Variants in CDH8 observed in about 807,000 individuals in gnomAD.
CDH8 encodes cadherin 8, also known as cadherin-8.
CDH8 carries 17 observed loss-of-function variants against 68.1 expected under a neutral mutation model. That is an observed-to-expected ratio of 0.25 (90% confidence interval 0.17 to 0.37). The LOEUF (loss-of-function observed/expected upper bound fraction) is 0.37. Among genes scored for constraint, CDH8 ranks in the 10% least tolerant of loss-of-function variants. The pLI is 1.00. For missense variants in CDH8, 763 were observed against 999.3 expected (o/e 0.76, Z 3.19); for synonymous variants, 372 against 365.1 (o/e 1.02, Z -0.21).
chr16:61,990,517 C>T (rs536493621), intron 2 of CDH8, among the ~76,000 whole-genome samples: 26 of 151,950 alleles, frequency 1.7e-4, no homozygotes, highest in African/African-American at 6.3e-4. Flanking sequence ...TCCTATTTTA[C>T]AGGTAAAATC....
intron 10 of CDH8, among the ~76,000 whole-genome samples, chr16:61,662,660 C>A (rs1963591592): frequency 6.6e-6 from 1 of 151,624 alleles, no homozygotes; most frequent in Non-Finnish European, 1.5e-5. Context: ...TAAAACAATG[C>A]AAATTAAAAA....
chr16:61,782,843 T>A (rs368018784), intron 8 of CDH8, among the ~76,000 whole-genome samples: 33 of 151,862 alleles, frequency 2.2e-4, no homozygotes, highest in African/African-American at 7.7e-4. Context: ...ACACCTCACA[T>A]GGCAGGGTAT....
chr16:61,937,247 A>C (rs1203393850), intron 2 of CDH8, among the ~76,000 whole-genome samples: 1 of 152,202 alleles, frequency 6.6e-6, no homozygotes, highest in Non-Finnish European at 1.5e-5. Flanking sequence ...CTAGAGCTAT[A>C]GTTCTCAAAG....
intron 3 of CDH8, 98 bp from the exon 4 acceptor site, chr16:61,857,336 G>T: frequency 9.7e-7 from 1 of 1,029,138 alleles, no homozygotes; most frequent in Non-Finnish European, 1.4e-6. Flanking sequence ...TCCATGTGTA[G>T]GGAATAAAAG....
chr16:61,782,534 G>T lies in CDH8; in HGVS notation c.1414+6812C>A, dbSNP rs561615954. ...GGGAGGGGCGCCCGCCATTGCCCAG[G>T]CTTGCTTAGGTAAACAAAGCAGCCA... On this transcript the variant is annotated intron_variant, in intron 8 of 11. Transcript: ENST00000577390. Among the ~76,000 whole-genome samples, 52 of 152,186 alleles carry T rather than the reference G, an allele frequency of 3.4e-4. No homozygotes were observed. In the East Asian group the frequency reaches 6.6e-3, roughly 19 times the overall value.
At chr16:61,903,563 G>A (rs564514949) in intron 2 of CDH8, among the ~76,000 whole-genome samples, 2 of 152,132 alleles carry the variant, frequency 1.3e-5, no homozygotes, top group South Asian at 2.1e-4. Flanking sequence ...CACCCACCTC[G>A]GCCTCCCAAA....
intron 10 of CDH8, among the ~76,000 whole-genome samples, chr16:61,669,026 T>C (rs139215009): frequency 5.2e-4 from 79 of 152,168 alleles, no homozygotes; most frequent in African/African-American, 1.9e-3. Context: ...GCTGAAGATA[T>C]GAAAGAAACT....
In CDH8 at chr16:61,928,464, G is replaced by C. The variant is rs183421556; in HGVS notation, c.253-26991C>G. ...CATCTATGGCTCTTGACTGTCCTGG[G>C]TAACTGCATCTATCATGTCCCTGCA... On this transcript the variant is annotated intron_variant, in intron 2 of 11. Transcript: ENST00000577390. Among the ~76,000 whole-genome samples the C allele has an allele frequency of 8.9e-4, 135 of 152,230 alleles. No homozygotes were observed. The East Asian group carries it at 0.02, about 23-fold the overall frequency.
intron 2 of CDH8, among the ~76,000 whole-genome samples, chr16:62,009,865 A>T (rs986947628): frequency 6.6e-6 from 1 of 152,070 alleles, no homozygotes; most frequent in Non-Finnish European, 1.5e-5. Flanking sequence ...CAATAAAACC[A>T]TTTTTCTCTT....
intron 7 of CDH8, among the ~76,000 whole-genome samples, chr16:61,814,117 A>AT (rs1279469779): frequency 6.6e-6 from 1 of 152,226 alleles, no homozygotes; most frequent in African/African-American, 2.4e-5. Context: ...TCACTTAATC[A>AT]TCTCATTAAC....
At position 61,678,827 on chromosome 16, in the gene CDH8, A is replaced by C. The variant is rs534079009; in HGVS notation, c.1655-23106T>G. Among the ~76,000 whole-genome samples, 447 of 152,232 alleles carry C rather than the reference A, an allele frequency of 2.9e-3. 3 individuals carry two copies. The highest frequency in any genetic ancestry group is 4.5e-3 in the Non-Finnish European group (307 of 67,980). On this transcript the variant is annotated intron_variant, in intron 10 of 11. Transcript: ENST00000577390. ...TGCTAATCTTAAGCACCTTTAAAGC[A>C]GTCCTTATTACTGGCTTCTTTATCT...
chr16:61,936,437 G>T, intron 2 of CDH8, among the ~76,000 whole-genome samples: 1 of 152,112 alleles, frequency 6.6e-6, no homozygotes. Context: ...CGGGGCAGTA[G>T]ATAAGGATTG....
chr16:61,671,959 A>C (rs112538576), intron 10 of CDH8, among the ~76,000 whole-genome samples: 4 of 152,270 alleles, frequency 2.6e-5, no homozygotes, highest in African/African-American at 9.6e-5. Context: ...TTTTACTGAA[A>C]ATGTAATCTG....
At chr16:62,005,628 C>T (rs8056925) in intron 2 of CDH8, among the ~76,000 whole-genome samples, 77,378 of 151,012 alleles carry the variant, frequency 0.51, 20,920 homozygotes, top group East Asian at 0.73. Flanking sequence ...CCCAGCTACT[C>T]GGGAGGCTGA....
intron 2 of CDH8, among the ~76,000 whole-genome samples, chr16:61,994,700 C>T (rs1346500151): frequency 6.6e-6 from 1 of 152,118 alleles, no homozygotes; most frequent in African/African-American, 2.4e-5. Context: ...TCTGTCCCAC[C>T]ACAGAGGTAC....
At chr16:61,782,452 T>A (rs1412852802) in intron 8 of CDH8, among the ~76,000 whole-genome samples, 10 of 151,830 alleles carry the variant, frequency 6.6e-5, no homozygotes, top group Non-Finnish European at 1.5e-4. Flanking sequence ...CCACGGAGTC[T>A]CGCTGATTGC....
intron 4 of CDH8, among the ~76,000 whole-genome samples, chr16:61,826,079 A>T (rs1452898482): frequency 6.6e-6 from 1 of 151,826 alleles, no homozygotes; most frequent in African/African-American, 2.4e-5. Context: ...TTTGAGGCGC[A>T]AAATTATAAG....
intron 8 of CDH8, among the ~76,000 whole-genome samples, chr16:61,735,218 T>C (rs1959643869): frequency 6.6e-6 from 1 of 152,132 alleles, no homozygotes; most frequent in Non-Finnish European, 1.5e-5. Context: ...AAATGTGATC[T>C]TGGCAGGTTT....
intron 4 of CDH8, among the ~76,000 whole-genome samples, chr16:61,849,330 A>C (rs1962892336): frequency 6.6e-6 from 1 of 152,176 alleles, no homozygotes; most frequent in Non-Finnish European, 1.5e-5. Flanking sequence ...AGAAAAAAAA[A>C]AAGGAAATTG....
Sources: gnomAD v4.1 joint callset for allele counts (sites outside exome capture counted in the v4.1 genomes callset) on GRCh38, gnomAD v4.1.1 for gene constraint, MANE v1.5 for transcripts, NCBI Gene and HGNC (gene_info 2026-07-23, HGNC 2026-07-21) for gene names.